CSMD1: variants seen among roughly 807,000 people sequenced by gnomAD.
CSMD1 encodes CUB and Sushi multiple domains 1.
In CSMD1, 213 loss-of-function variants were observed where a neutral mutation model predicts 417.5. The observed-to-expected ratio is 0.51, with a 90% CI of 0.46 to 0.57. CSMD1 has a LOEUF of 0.57. Ranked by LOEUF, CSMD1 falls within the 20% of genes least tolerant of loss-of-function variation. CSMD1 has a pLI of 0.00. For synonymous variants in CSMD1, 2,862 were observed against 1,736.8 expected (o/e 1.65, Z -16.11); for missense variants, 6,923 against 4,529.7 (o/e 1.53, Z -15.17).
At chr8:4,048,555 C>T (rs954100142) in intron 3 of CSMD1, among the ~76,000 whole-genome samples, 1 of 152,126 alleles carries the variant, frequency 6.6e-6, no homozygotes, top group Non-Finnish European at 1.5e-5. Context: ...AAAGGGAGAG[C>T]CAGGATTTGA....
intron 3 of CSMD1, among the ~76,000 whole-genome samples, chr8:4,408,300 C>A (rs574015517): frequency 1.3e-5 from 2 of 152,124 alleles, no homozygotes; most frequent in Non-Finnish European, 2.9e-5. Context: ...GAACCAGTGT[C>A]AAAAACGTCT....
chr8:3,932,051 G>C (rs1177164554), intron 5 of CSMD1, among the ~76,000 whole-genome samples: 2 of 150,462 alleles, frequency 1.3e-5, no homozygotes, highest in Admixed American at 6.6e-5. Context: ...TTTCATCAGA[G>C]AGTAGGATTC....
At chr8:4,041,294 T>G (rs796195248) in intron 3 of CSMD1, among the ~76,000 whole-genome samples, 153 of 82,730 alleles carry the variant, frequency 1.8e-3, no homozygotes, top group African/African-American at 3.7e-3. Context: ...GGGGATTACA[T>G]GCGTGAGCCA....
At chr8:4,564,440 G>T (rs1176302563) in intron 2 of CSMD1, among the ~76,000 whole-genome samples, 2 of 152,154 alleles carry the variant, frequency 1.3e-5, no homozygotes, top group Non-Finnish European at 2.9e-5. Context: ...GGTGCCAGGG[G>T]ATCTAGTGTC....
intron 6 of CSMD1, among the ~76,000 whole-genome samples, chr8:3,719,278 C>CA (rs1802011424): frequency 6.6e-6 from 1 of 152,054 alleles, no homozygotes; most frequent in Non-Finnish European, 1.5e-5. Context: ...CCAGTTTCAG[C>CA]AAAAAGGCCA....
At chr8:3,954,799 C>G (rs971423209) in intron 5 of CSMD1, among the ~76,000 whole-genome samples, 2 of 151,776 alleles carry the variant, frequency 1.3e-5, no homozygotes, top group African/African-American at 4.8e-5. Context: ...CACGCAGAGC[C>G]TCCTTGCCCC....
chr8:4,985,851 C>A (rs1450582593), intron 1 of CSMD1, among the ~76,000 whole-genome samples: 3 of 152,052 alleles, frequency 2.0e-5, no homozygotes, highest in Non-Finnish European at 4.4e-5. Flanking sequence ...CTTATGTTGT[C>A]CACAGGAATT....
chr8:3,832,686 T>C (rs1019245254), intron 5 of CSMD1, among the ~76,000 whole-genome samples: 1 of 152,180 alleles, frequency 6.6e-6, no homozygotes, highest in African/African-American at 2.4e-5. Flanking sequence ...ACACTATAGA[T>C]TCATGACTGT....
chr8:4,484,395 C>T (rs780002790), intron 2 of CSMD1, among the ~76,000 whole-genome samples: 2 of 152,044 alleles, frequency 1.3e-5, no homozygotes, highest in Non-Finnish European at 2.9e-5. Flanking sequence ...CTCTCATTCA[C>T]GAACTATATC....
intron 2 of CSMD1, among the ~76,000 whole-genome samples, chr8:4,607,019 T>C (rs966672313): frequency 6.6e-6 from 1 of 152,190 alleles, no homozygotes; most frequent in East Asian, 1.9e-4. Context: ...GGAAATCCAG[T>C]GGTAAAGTTT....
chr8:4,450,487 T>G (rs114348308), intron 2 of CSMD1, among the ~76,000 whole-genome samples: 2,570 of 152,110 alleles, frequency 0.017, 91 homozygotes, highest in African/African-American at 0.059. Flanking sequence ...TGACAAAAAT[T>G]ATCTGCGTGT....
intron 3 of CSMD1, among the ~76,000 whole-genome samples, chr8:4,162,689 A>G (rs1797240361): frequency 6.6e-6 from 1 of 152,150 alleles, no homozygotes; most frequent in South Asian, 2.1e-4. Flanking sequence ...CTCCCCAACT[A>G]TCAACATCCC....
rs184889432 is a variant in CSMD1 at position 3,408,943 on chromosome 8, G to A, written c.1744+480C>T. 5.3e-5 allele frequency among the ~76,000 whole-genome samples: 8 copies of A among 152,036 alleles called. No homozygotes were observed. The East Asian group carries it at 7.7e-4, about 15-fold the overall frequency. On this transcript the variant is annotated intron_variant, in intron 13 of 69. Transcript: ENST00000635120. ...TAAAAAAAACCTCTCCTTTAAAATC[G>A]ACTGTGAAGCCTTTTCTACTTGTTA... is the stretch of plus-strand genomic sequence containing the variant.
At chr8:4,257,170 G>A (rs886483109) in intron 3 of CSMD1, among the ~76,000 whole-genome samples, 1 of 148,250 alleles carries the variant, frequency 6.7e-6, no homozygotes, top group African/African-American at 2.5e-5. Context: ...GTTTGACCTT[G>A]AGTTATAAAT....
intron 5 of CSMD1, among the ~76,000 whole-genome samples, chr8:3,836,457 A>G (rs1802708654): frequency 6.6e-6 from 1 of 152,142 alleles, no homozygotes; most frequent in African/African-American, 2.4e-5. Context: ...ATTAATAGGG[A>G]AACTGTAGAG....
intron 52 of CSMD1, among the ~76,000 whole-genome samples, chr8:3,005,181 G>A (rs1480528798): frequency 6.6e-6 from 1 of 152,122 alleles, no homozygotes; most frequent in Admixed American, 6.5e-5. Context: ...TGAAACTTCA[G>A]AACCATTGAG....
At chr8:4,479,445 T>C (rs575352164) in intron 2 of CSMD1, among the ~76,000 whole-genome samples, 2 of 152,290 alleles carry the variant, frequency 1.3e-5, no homozygotes, top group African/African-American at 4.8e-5. Flanking sequence ...AAACAATATA[T>C]TTGGTGCAAC....
At chr8:3,635,773 G>A (rs1209568148) in intron 7 of CSMD1, among the ~76,000 whole-genome samples, 1 of 129,910 alleles carries the variant, frequency 7.7e-6, no homozygotes, top group African/African-American at 3.1e-5. Context: ...ATGAACCTCT[G>A]CGCCCAGCTG....
At chr8:3,549,229 T>A (rs1386873433) in intron 10 of CSMD1, among the ~76,000 whole-genome samples, 1 of 152,216 alleles carries the variant, frequency 6.6e-6, no homozygotes, top group Non-Finnish European at 1.5e-5. Flanking sequence ...ATGGTTTCTA[T>A]GTTCTGAAAG....
Sources: gnomAD v4.1 joint callset for allele counts (sites outside exome capture counted in the v4.1 genomes callset) on GRCh38, gnomAD v4.1.1 for gene constraint, MANE v1.5 for transcripts, NCBI Gene and HGNC (gene_info 2026-07-23, HGNC 2026-07-21) for gene names.